The following MGRN1 variants were observed in gnomAD, a reference collection of about 807,000 sequenced individuals.
The protein encoded by MGRN1 is E3 ubiquitin-protein ligase MGRN1.
A neutral mutation model predicts 69.2 loss-of-function variants in MGRN1; 29 were observed. The ratio of observed to expected loss-of-function variants is 0.42; its 90% CI spans 0.31 to 0.57. The LOEUF is 0.57. Ranked by LOEUF, MGRN1 falls within the 20% of genes least tolerant of loss-of-function variation. The pLI, the probability that MGRN1 is intolerant of heterozygous loss-of-function variation, is 0.15. For synonymous variants in MGRN1, 470 were observed against 344.2 expected (o/e 1.37, Z -4.04); for missense variants, 998 against 796.2 (o/e 1.25, Z -3.05).
chr16:4,662,670 A>G lies in MGRN1; in HGVS notation c.562-2039A>G, dbSNP rs537079539. On this transcript the variant is annotated intron_variant, in intron 5 of 16. Transcript: ENST00000262370. ...GGTATTGACCCCATTTTACAAGGAA[A>G]GAAGCCGAGGCTCGGAGGGAGGAGG... 7.9e-5 allele frequency among the ~76,000 whole-genome samples: 12 copies of G among 152,360 alleles called. No homozygotes were observed. The South Asian group carries it at 2.3e-3, about 29-fold the overall frequency.
Position 4,673,483 on chromosome 16 carries a change from C to A in MGRN1, c.796-15C>A, listed in dbSNP as rs370091530. The A allele has an allele frequency of 6.2e-7, 1 of 1,609,796 alleles. No homozygotes were observed. The highest frequency in any genetic ancestry group is 2.2e-5 in the East Asian group (1 of 44,872). Reference sequence around the variant, plus strand: ...CTTTGGGAGGCTGCTGACCCACAAGCCCTTGTCCCGGCAGCCCTCGGACGA... The same window carrying A: ...CTTTGGGAGGCTGCTGACCCACAAGACCTTGTCCCGGCAGCCCTCGGACGA... On this transcript the variant is annotated splice_polypyrimidine_tract_variant and intron_variant, in intron 9 of 16. Coordinates refer to ENST00000262370, the MANE Select transcript of MGRN1 (RefSeq NM_015246.4).
intron 1 of MGRN1, among the ~76,000 whole-genome samples, chr16:4,631,773 C>T (rs1898012738): frequency 6.6e-6 from 1 of 152,118 alleles, no homozygotes; most frequent in Non-Finnish European, 1.5e-5. Context: ...CAAAAGCAGC[C>T]TGCAATTTTG....
chr16:4,649,600 A>G (rs944070256), intron 1 of MGRN1: 1 of 152,138 alleles, frequency 6.6e-6, no homozygotes, highest in Non-Finnish European at 1.5e-5. Flanking sequence ...CAGTCACTGG[A>G]TTTAGAGCCC....
At chr16:4,638,381 C>T (rs138649713) in intron 1 of MGRN1, among the ~76,000 whole-genome samples, 3,301 of 152,224 alleles carry the variant, frequency 0.022, 69 homozygotes, top group South Asian at 0.071. Context: ...AGGAGAATCA[C>T]CTGAACCCGG....
chr16:4,625,682 A>T (rs913445263), intron 1 of MGRN1, among the ~76,000 whole-genome samples: 1 of 152,318 alleles, frequency 6.6e-6, no homozygotes, highest in African/African-American at 2.4e-5. Flanking sequence ...GACTGCCAAG[A>T]TCTCAGCTGG....
At chr16:4,682,648 T>C (rs1222570675) in intron 13 of MGRN1, among the ~76,000 whole-genome samples, 175 bp from the exon 14 acceptor site, 1 of 151,920 alleles carries the variant, frequency 6.6e-6, no homozygotes, top group Non-Finnish European at 1.5e-5. Flanking sequence ...CGCTGTTGCC[T>C]GTTGGCCGTT....
In MGRN1 at chr16:4,651,841, C is replaced by T. The variant is rs1567192947; in HGVS notation, c.208-122C>T. The T allele has an allele frequency of 5.9e-6, 5 of 850,784 alleles. No individual in the cohort carries two copies. In the South Asian group the frequency reaches 7.0e-5, roughly 12 times the overall value. 52.7% of individuals were successfully genotyped at this position (850,784 alleles called of 1,614,324 possible). On this transcript the variant is annotated intron_variant, in intron 2 of 16. Coordinates refer to ENST00000262370, the MANE Select transcript of MGRN1 (RefSeq NM_015246.4). ...ATGAGAACAGTGCACCCAGTATAGC[C>T]CCTCCCATGGGACTAGATCCCAGGG...
chr16:4,677,454 C>T lies in MGRN1; in HGVS notation c.956-9C>T, dbSNP rs775207712. 1.3e-6 allele frequency: 2 copies of T among 1,542,316 alleles called. No individual in the cohort carries two copies. Among genetic ancestry groups the T allele is most frequent in the East Asian group, 4.7e-5 (2 of 42,578 alleles). Reference sequence around the variant, plus strand: ...CCTGGGCCTGATCTGAGCCCTCCTTCTGCCGCAGCTTTCCGGGCCCTCCTG... The same window carrying T: ...CCTGGGCCTGATCTGAGCCCTCCTTTTGCCGCAGCTTTCCGGGCCCTCCTG... On this transcript the variant is annotated splice_polypyrimidine_tract_variant and intron_variant, in intron 10 of 16. Coordinates refer to ENST00000262370, the MANE Select transcript of MGRN1 (RefSeq NM_015246.4).
chr16:4,678,369 C>T (rs182699084), intron 11 of MGRN1, among the ~76,000 whole-genome samples: 9 of 151,946 alleles, frequency 5.9e-5, no homozygotes, highest in Admixed American at 2.6e-4. Context: ...AGAGACAGGG[C>T]GAGAGAGAGG....
chr16:4,629,194 A>ATGTGTG (rs1424009861), intron 1 of MGRN1, among the ~76,000 whole-genome samples: 2 of 94,086 alleles, frequency 2.1e-5, no homozygotes, highest in African/African-American at 3.3e-5. Context: ...GTGTGTGTGA[A>ATGTGTG]AAGTGTCTAT....
chr16:4,648,911 G>A (rs535143367), intron 1 of MGRN1, among the ~76,000 whole-genome samples: 11 of 148,492 alleles, frequency 7.4e-5, no homozygotes, highest in East Asian at 4.0e-4. Context: ...TCCTCCTCTC[G>A]GGGACTCTTC....
chr16:4,645,358 A>G (rs2078252605), intron 1 of MGRN1, among the ~76,000 whole-genome samples: 1 of 152,146 alleles, frequency 6.6e-6, no homozygotes, highest in Non-Finnish European at 1.5e-5. Context: ...TTGTAGAGAC[A>G]GCGTCTCCCT....
In MGRN1 at chr16:4,648,549, T is replaced by A. The variant is rs548148486; in HGVS notation, c.89-1816T>A. On this transcript the variant is annotated intron_variant, in intron 1 of 16. Transcript: ENST00000262370. ...GCTCTTCCCGTGGTCACCCGGGTCC[T>A]CCTCCCGGGGGCTCTTCCCGTGGTC... Among the ~76,000 whole-genome samples the A allele has an allele frequency of 3.2e-3, 352 of 108,950 alleles. 8 individuals are homozygous for A. The highest frequency in any genetic ancestry group is 0.016 in the African/African-American group (327 of 20,738). 71.5% of individuals were successfully genotyped at this position (108,950 alleles called of 152,430 possible). A position where few individuals can be genotyped will look rare whatever the true frequency, so the allele number is the denominator to read the frequency against.
At chr16:4,680,244 C>G in intron 12 of MGRN1, 147 bp downstream of exon 12, 1 of 775,660 alleles carries the variant, frequency 1.3e-6, no homozygotes, top group Non-Finnish European at 2.0e-6. Flanking sequence ...GCCTCCCTGC[C>G]CAGGGAGTTT....
chr16:4,687,240 C>T (rs2079346040), intron 16 of MGRN1: 1 of 985,304 alleles, frequency 1.0e-6, no homozygotes, highest in Non-Finnish European at 1.2e-6. Context: ...CCAGGGTGGC[C>T]CAGGTGAGTG....
chr16:4,665,067 C>A, intron 6 of MGRN1, 35 bp from the exon 7 acceptor site: 1 of 1,613,462 alleles, frequency 6.2e-7, no homozygotes, highest in East Asian at 2.2e-5. Flanking sequence ...GGGCAGGCCC[C>A]GACTCTGACT....
At chr16:4,645,379 G>A (rs1268034975) in intron 1 of MGRN1, among the ~76,000 whole-genome samples, 1 of 152,156 alleles carries the variant, frequency 6.6e-6, no homozygotes, top group Non-Finnish European at 1.5e-5. Context: ...ATGTTGCCCA[G>A]GCTGGTCTTG....
Position 4,652,807 on chromosome 16 carries a change from C to A in MGRN1, c.426C>A (p.Phe142Leu). 6.2e-7 allele frequency: 1 copy of A among 1,609,684 alleles called. No individual in the cohort carries two copies. Residue 142 changes from phenylalanine to leucine, a missense_variant, in exon 4 of 17, where the codon TTC becomes TTA. Transcript: ENST00000262370. ...TCTACTGCCAGGCATCGGAGGAGTTCCTGAACGGCAGGGCAGTGTGAGTCC... is the reference window on the plus strand; with the variant it reads ...TCTACTGCCAGGCATCGGAGGAGTTACTGAACGGCAGGGCAGTGTGAGTCC... ...ITIYCQASEE[F>L]LNGRAVYSPK... is the part of the protein sequence containing the mutation.
intron 1 of MGRN1, among the ~76,000 whole-genome samples, chr16:4,633,016 G>C (rs1035312890): frequency 1.3e-5 from 2 of 152,164 alleles, no homozygotes; most frequent in Non-Finnish European, 2.9e-5. Flanking sequence ...TCAGGAGGTC[G>C]AGGCTGCAGT....
Sources: gnomAD v4.1 joint callset for allele counts (sites outside exome capture counted in the v4.1 genomes callset) on GRCh38, gnomAD v4.1.1 for gene constraint, MANE v1.5 for transcripts, NCBI Gene and HGNC (gene_info 2026-07-23, HGNC 2026-07-21) for gene names.